ANKRD13C: variants seen among roughly 807,000 people sequenced by gnomAD.
ANKRD13C encodes ankyrin repeat domain 13C, also known as ankyrin repeat domain-containing protein 13C.
A neutral mutation model predicts 65.5 loss-of-function variants in ANKRD13C; 16 were observed. The observed-to-expected ratio is 0.24, with a 90% CI of 0.17 to 0.37. ANKRD13C has a LOEUF of 0.37. Among genes scored for constraint, ANKRD13C ranks in the 10% least tolerant of loss-of-function variants. The pLI is 1.00. For synonymous variants in ANKRD13C, 235 were observed against 238.7 expected, an observed-to-expected ratio of 0.98 and a Z score of 0.14; for missense variants, 503 against 655.9, an observed-to-expected ratio of 0.77 and a Z score of 2.55.
rs1188008540 is a variant in ANKRD13C, at chr1:70,309,108, T to A, written c.710-2818A>T. On this transcript the variant is annotated intron_variant, in intron 5 of 12. Coordinates refer to ENST00000370944, the MANE Select transcript of ANKRD13C (RefSeq NM_030816.5). ...CCCAGGCTGGAATGCAGTGCCGCAATCTCAGCTTACTACAAACTCCGCCTC... is the reference window on the plus strand; with the variant it reads ...CCCAGGCTGGAATGCAGTGCCGCAAACTCAGCTTACTACAAACTCCGCCTC... Among the ~76,000 whole-genome samples, 3 of 151,080 alleles carry A rather than the reference T, an allele frequency of 2.0e-5. No homozygotes were observed. The East Asian group carries it at 6.0e-4, about 30-fold the overall frequency.
At chr1:70,274,590 C>T in intron 11 of ANKRD13C, 130 bp downstream of exon 11, 1 of 682,934 alleles carries the variant, frequency 1.5e-6, no homozygotes, top group South Asian at 1.8e-5. Flanking sequence ...AGTGCACACA[C>T]TATCAAGGCA....
chr1:70,341,367 T>G lies in ANKRD13C; in HGVS notation c.431-5268A>C, dbSNP rs548064942. ...AAATCTACCATCTTTTTGTGTGTTT[T>G]TTTTTTTTTTTTTTTGAGAAGTTTC... On this transcript the variant is annotated intron_variant, in intron 1 of 12. Coordinates refer to ENST00000370944, the MANE Select transcript of ANKRD13C (RefSeq NM_030816.5). Among the ~76,000 whole-genome samples the G allele has an allele frequency of 3.6e-3, 536 of 149,118 alleles. 6 individuals carry two copies. The highest frequency in any genetic ancestry group is 0.013 in the African/African-American group (515 of 40,284).
intron 9 of ANKRD13C, among the ~76,000 whole-genome samples, chr1:70,290,053 G>A (rs902279431): frequency 6.6e-6 from 1 of 152,128 alleles, no homozygotes; most frequent in African/African-American, 2.4e-5. Context: ...GAAAAATGAA[G>A]TCTGGTGAAG....
rs759226869 is a variant in ANKRD13C at position 70,278,023 on chromosome 1, T to TA, written c.1216-1180dup. 4.1e-3 allele frequency among the ~76,000 whole-genome samples: 565 copies of TA among 138,510 alleles called. 1 individual carries two copies. The highest frequency in any genetic ancestry group is 5.3e-3 in the African/African-American group (200 of 37,728). The allele number at this position is 138,510 out of a possible 152,430, so 90.9% of individuals were successfully genotyped here. A position where few individuals can be genotyped will look rare whatever the true frequency, so the allele number is the denominator to read the frequency against. On this transcript the variant is annotated intron_variant, in intron 9 of 12. Transcript: ENST00000370944. ...GGCAACATAATGAGGCTCTGTTTCTTAAAAAAAAAAAAAAAATTAGCTGAG... is the reference window on the plus strand; with the variant it reads ...GGCAACATAATGAGGCTCTGTTTCTTAAAAAAAAAAAAAAAAATTAGCTGAG...
At chr1:70,290,324 A>G (rs946352180) in intron 9 of ANKRD13C, among the ~76,000 whole-genome samples, 1 of 152,222 alleles carries the variant, frequency 6.6e-6, no homozygotes, top group Admixed American at 6.5e-5. Flanking sequence ...AGAATCCAGG[A>G]CAATACTATA....
chr1:70,337,912 C>A (rs1485560435), intron 1 of ANKRD13C, among the ~76,000 whole-genome samples: 2 of 152,046 alleles, frequency 1.3e-5, no homozygotes, highest in African/African-American at 4.8e-5. Context: ...CCAGCCTGAC[C>A]AAGATGGAGA....
At chr1:70,315,685 GTGTGTA>G in intron 3 of ANKRD13C, 119 bp from the exon 4 acceptor site, 1 of 692,308 alleles carries the variant, frequency 1.4e-6, no homozygotes, top group Non-Finnish European at 2.3e-6. Context: ...GTGCATGTAT[GTGTGTA>G]TGTGTATGTG....
intron 9 of ANKRD13C, among the ~76,000 whole-genome samples, chr1:70,278,436 T>G (rs1385340531): frequency 1.3e-5 from 2 of 149,988 alleles, no homozygotes; most frequent in Admixed American, 6.6e-5. Context: ...GAGATTGCAG[T>G]GACCTGAGAT....
chr1:70,335,929 C>A, intron 2 of ANKRD13C, 129 bp downstream of exon 2: 1 of 276,192 alleles, frequency 3.6e-6, no homozygotes, highest in South Asian at 8.7e-5. Context: ...TTTCAATATA[C>A]TAAATTCTAA....
intron 10 of ANKRD13C, among the ~76,000 whole-genome samples, chr1:70,276,048 G>GA (rs969429597): frequency 2.8e-4 from 40 of 143,152 alleles, no homozygotes; most frequent in African/African-American, 6.5e-4. Context: ...CTTTCAATAA[G>GA]AAAAAAAAAT....
chr1:70,292,572 AAAGTAAAATTTTTAG>A lies in ANKRD13C; in HGVS notation c.1054-38_1054-24del, dbSNP rs781048818. 2.6e-6 allele frequency: 4 copies of A among 1,560,034 alleles called. No individual in the cohort carries two copies. In the Admixed American group the frequency reaches 6.5e-5, roughly 25 times the overall value. ...TTCCTAAAACAAAACCAAATATTTA[AAAGTAAAATTTTTAG>A]GTTAAAAAAAGTGTCAAGGTAATAT... On this transcript the variant is annotated intron_variant, in intron 8 of 12. Coordinates refer to ENST00000370944, the MANE Select transcript of ANKRD13C (RefSeq NM_030816.5).
At chr1:70,347,154 C>T (rs1337496016) in intron 1 of ANKRD13C, among the ~76,000 whole-genome samples, 10 of 146,824 alleles carry the variant, frequency 6.8e-5, no homozygotes, top group Non-Finnish European at 1.5e-4. Context: ...AAACTCAGAT[C>T]TGATCAATAC....
At chr1:70,315,123 AAAAC>A (rs1320066424) in intron 4 of ANKRD13C, among the ~76,000 whole-genome samples, 1 of 152,128 alleles carries the variant, frequency 6.6e-6, no homozygotes, top group East Asian at 1.9e-4. Flanking sequence ...CGCTGTCTCC[AAAAC>A]AAACAAACAA....
intron 9 of ANKRD13C, among the ~76,000 whole-genome samples, chr1:70,289,798 A>C (rs1679782306): frequency 6.6e-6 from 1 of 152,142 alleles, no homozygotes; most frequent in Non-Finnish European, 1.5e-5. Context: ...ATTTTTAAAA[A>C]AGTAGCATTA....
chr1:70,329,958 C>T (rs1307812746), intron 2 of ANKRD13C, among the ~76,000 whole-genome samples: 2 of 151,680 alleles, frequency 1.3e-5, no homozygotes, highest in African/African-American at 4.8e-5. Flanking sequence ...AGGGTGGTGG[C>T]ACACACCTGC....
chr1:70,329,196 C>T (rs1270708968), intron 2 of ANKRD13C, among the ~76,000 whole-genome samples: 1 of 152,100 alleles, frequency 6.6e-6, no homozygotes, highest in Non-Finnish European at 1.5e-5. Flanking sequence ...ATGATTTCAA[C>T]TGTTTCAACA....
At chr1:70,310,754 A>G (rs1680813831) in intron 5 of ANKRD13C, among the ~76,000 whole-genome samples, 1 of 152,246 alleles carries the variant, frequency 6.6e-6, no homozygotes, top group South Asian at 2.1e-4. Context: ...TAAAAAGCCA[A>G]AATACTCAAG....
chr1:70,276,743 C>T (rs1394515246), intron 10 of ANKRD13C, 22 bp downstream of exon 10: 11 of 1,536,828 alleles, frequency 7.2e-6, no homozygotes, highest in Non-Finnish European at 9.7e-6. Context: ...CCAAATAACA[C>T]ATAAACAAGA....
At chr1:70,332,726 A>G (rs1289518593) in intron 2 of ANKRD13C, among the ~76,000 whole-genome samples, 1 of 152,194 alleles carries the variant, frequency 6.6e-6, no homozygotes, top group African/African-American at 2.4e-5. Flanking sequence ...TCGGCCTCCC[A>G]AAGTGCTAGG....
Sources: allele counts gnomAD v4.1 joint callset (sites outside exome capture counted in the v4.1 genomes callset), GRCh38; gene constraint gnomAD v4.1.1; transcripts MANE v1.5; gene names NCBI Gene and HGNC (gene_info 2026-07-23, HGNC 2026-07-21).